Variants in SNRPA1 observed in about 807,000 individuals in gnomAD.
SNRPA1 encodes the protein U2 small nuclear ribonucleoprotein A'.
A neutral mutation model predicts 32.3 loss-of-function variants in SNRPA1; 5 were observed. The observed-to-expected ratio is 0.15, with a 90% CI of 0.08 to 0.33. The LOEUF (loss-of-function observed/expected upper bound fraction) is 0.33. SNRPA1 is among the 10% of genes least tolerant of loss of function. SNRPA1 has a pLI of 1.00. For missense variants in SNRPA1, 198 were observed against 311.1 expected, an observed-to-expected ratio of 0.64 and a Z score of 2.74; for synonymous variants, 111 against 120.1, an observed-to-expected ratio of 0.92 and a Z score of 0.50.
intron 4 of SNRPA1, among the ~76,000 whole-genome samples, chr15:101,287,329 C>T (rs1035696840): frequency 2.0e-5 from 3 of 151,978 alleles, no homozygotes; most frequent in Admixed American, 6.6e-5. Flanking sequence ...TGCTTTCCCT[C>T]CCCCCTTTCC....
intron 3 of SNRPA1, among the ~76,000 whole-genome samples, chr15:101,290,574 A>ATTT (rs58641401): frequency 2.1e-4 from 30 of 142,502 alleles, no homozygotes; most frequent in African/African-American, 5.4e-4. Flanking sequence ...AAGTTATACG[A>ATTT]TTTTTTTTTT....
At chr15:101,284,921 T>C (rs1435289796) in intron 8 of SNRPA1, 46 bp downstream of exon 8, 8 of 1,391,776 alleles carry the variant, frequency 5.7e-6, no homozygotes, top group African/African-American at 1.4e-5. Flanking sequence ...AGTTACACTC[T>C]GAGTGTAACA....
rs528943968 is a variant in SNRPA1 at position 101,283,769 on chromosome 15, C to T, written c.709+1198G>A. On this transcript the variant is annotated intron_variant, in intron 8 of 8. Coordinates refer to ENST00000254193, the MANE Select transcript of SNRPA1 (RefSeq NM_003090.4). Reference sequence around the variant, plus strand: ...GACCATCCTGGCCAACATGGTGAAACGCTGTCTCTACTAAAAATTAATTAG... The same window carrying T: ...GACCATCCTGGCCAACATGGTGAAATGCTGTCTCTACTAAAAATTAATTAG... 9.9e-5 allele frequency among the ~76,000 whole-genome samples: 15 copies of T among 152,260 alleles called. 1 individual carries two copies. In the South Asian group the frequency reaches 2.7e-3, roughly 27 times the overall value.
intron 3 of SNRPA1, chr15:101,288,563 T>A (rs2039482993): frequency 6.6e-6 from 1 of 152,196 alleles, no homozygotes; most frequent in African/African-American, 2.4e-5. Context: ...GGTGAATTTT[T>A]AATCTTCTCC....
chr15:101,283,132 G>T (rs12902917), intron 8 of SNRPA1, among the ~76,000 whole-genome samples: 60,425 of 152,072 alleles, frequency 0.4, 13,567 homozygotes, highest in African/African-American at 0.61. Flanking sequence ...AGGGAAGAAT[G>T]TAACAGCTAT....
chr15:101,292,982 TTTACTC>T (rs1567126969), intron 2 of SNRPA1, 37 bp downstream of exon 2: 2 of 1,451,442 alleles, frequency 1.4e-6, no homozygotes, highest in Admixed American at 2.1e-5. Flanking sequence ...CACTGCAACA[TTTACTC>T]TAGGGGAAAA....
At chr15:101,285,961 A>C in intron 6 of SNRPA1, 160 bp from the exon 7 acceptor site, 1 of 638,924 alleles carries the variant, frequency 1.6e-6, no homozygotes. Flanking sequence ...CATCCAGTTC[A>C]TCTTCCTATA....
chr15:101,292,430 T>C (rs757131728), intron 2 of SNRPA1, among the ~76,000 whole-genome samples: 8 of 152,296 alleles, frequency 5.3e-5, no homozygotes, highest in South Asian at 4.1e-4. Context: ...ATGAGAAATA[T>C]TTCTATCTGA....
At chr15:101,282,239 A>G (rs745613137) in intron 8 of SNRPA1, among the ~76,000 whole-genome samples, 5 of 152,264 alleles carry the variant, frequency 3.3e-5, no homozygotes, top group African/African-American at 4.8e-5. Flanking sequence ...TTGTTCAACA[A>G]TTTATGGCAG....
intron 1 of SNRPA1, 114 bp from the exon 2 acceptor site, chr15:101,293,286 G>C (rs1309525464): frequency 4.3e-6 from 3 of 700,198 alleles, no homozygotes; most frequent in African/African-American, 1.8e-5. Flanking sequence ...TATTCAGGAA[G>C]TATTACCTAG....
Position 101,281,512 on chromosome 15 carries a change from G to C in SNRPA1, c.*212C>G. On this transcript the variant is annotated 3_prime_UTR_variant, in exon 9 of 9. Transcript: ENST00000254193. ...AATGCACCATGATGACACACAACTTGGTAGCATAGTGAGTGGAGTTTATTT... is the reference window on the plus strand; with the variant it reads ...AATGCACCATGATGACACACAACTTCGTAGCATAGTGAGTGGAGTTTATTT... The C allele has an allele frequency of 1.9e-6, 1 of 524,802 alleles. No homozygotes were observed. Among genetic ancestry groups the C allele is most frequent in the South Asian group, 2.2e-5 (1 of 44,744 alleles). 32.5% of individuals were successfully genotyped at this position (524,802 alleles called of 1,614,324 possible).
Position 101,285,717 on chromosome 15 carries a change from CAT to C in SNRPA1, c.615+7_615+8del, listed in dbSNP as rs751885725. The stretch of plus-strand genomic sequence containing the variant: ...TCATTCCAGTCCAAGAATCCTAACA[CAT>C]GATTACCTTGATTGCTTCTACATCC... On this transcript the variant is annotated splice_region_variant and intron_variant, in intron 7 of 8. Transcript: ENST00000254193. The C allele has an allele frequency of 3.7e-6, 6 of 1,603,036 alleles. No individual in the cohort carries two copies. Among genetic ancestry groups the C allele is most frequent in the Non-Finnish European group, 4.3e-6 (5 of 1,169,892 alleles).
intron 3 of SNRPA1, among the ~76,000 whole-genome samples, chr15:101,291,074 TCTCA>T (rs2039521426): frequency 6.6e-6 from 1 of 151,976 alleles, no homozygotes; most frequent in Admixed American, 6.6e-5. Context: ...AGAGACAAGG[TCTCA>T]CTATGTTGCC....
intron 1 of SNRPA1, chr15:101,293,432 T>C (rs1015417998): frequency 2.1e-5 from 6 of 281,510 alleles, no homozygotes; most frequent in Admixed American, 1.1e-4. Context: ...CAATGGCTGA[T>C]ATAGGCAGCT....
intron 7 of SNRPA1, 96 bp downstream of exon 7, chr15:101,285,630 T>C: frequency 1.2e-6 from 1 of 828,624 alleles, no homozygotes; most frequent in Admixed American, 2.1e-5. Context: ...TGTGGGAAAA[T>C]GAAATCTGCA....
rs2039438592 is a variant in SNRPA1, at chr15:101,284,955, C to T, written c.709+12G>A. 2 of 1,597,788 alleles carry T rather than the reference C, an allele frequency of 1.3e-6. No homozygotes were observed. Among genetic ancestry groups the T allele is most frequent in the Non-Finnish European group, 1.7e-6 (2 of 1,165,456 alleles). On this transcript the variant is annotated intron_variant, in intron 8 of 8. Transcript: ENST00000254193. The stretch of plus-strand genomic sequence containing the variant: ...CATTAATTTGAACATACAAAGAACA[C>T]CATTTGTTCACCTGATCTGCGTTCT...
intron 3 of SNRPA1, among the ~76,000 whole-genome samples, chr15:101,290,899 G>A (rs781178970): frequency 6.6e-6 from 1 of 151,740 alleles, no homozygotes; most frequent in South Asian, 2.1e-4. Flanking sequence ...CCACCACCAC[G>A]CCCGGCTAAT....
chr15:101,287,854 T>C, intron 3 of SNRPA1, 152 bp from the exon 4 acceptor site: 1 of 647,344 alleles, frequency 1.5e-6, no homozygotes, highest in Non-Finnish European at 2.8e-6. Flanking sequence ...ATCACAAATG[T>C]TTAAATAATT....
At position 101,285,309 on chromosome 15, in the gene SNRPA1, C is replaced by T. The variant is rs578216093; in HGVS notation, c.616-249G>A. Among the ~76,000 whole-genome samples the T allele has an allele frequency of 4.6e-5, 7 of 152,244 alleles. No individual in the cohort carries two copies. The East Asian group carries it at 9.6e-4, about 21-fold the overall frequency. The stretch of plus-strand genomic sequence containing the variant: ...ATAATCACTCCACATGTTCTAAAAT[C>T]GTAGCTAAGTGAAGTAACTATTTGC... On this transcript the variant is annotated intron_variant, in intron 7 of 8. Transcript: ENST00000254193.
Sources: gnomAD v4.1 joint callset for allele counts (sites outside exome capture counted in the v4.1 genomes callset) on GRCh38, gnomAD v4.1.1 for gene constraint, MANE v1.5 for transcripts, NCBI Gene and HGNC (gene_info 2026-07-23, HGNC 2026-07-21) for gene names.